NRXN3: variants seen among roughly 807,000 people sequenced by gnomAD.
NRXN3 encodes the protein neurexin III.
Under a neutral mutation model 137.6 loss-of-function variants are expected in NRXN3, and 32 were observed. That is an observed-to-expected ratio of 0.23 (90% CI 0.18 to 0.31). NRXN3 has a LOEUF of 0.31. Among genes scored for constraint, NRXN3 ranks in the 10% least tolerant of loss-of-function variants. The pLI is 1.00. For synonymous variants in NRXN3, 798 were observed against 784.5 expected (o/e 1.02, Z -0.29); for missense variants, 1,574 against 2,062.5 (o/e 0.76, Z 4.59).
chr14:79,700,876 A>C lies in NRXN3; in HGVS notation c.4014+2939A>C, dbSNP rs376991298. On this transcript the variant is annotated intron_variant, in intron 19 of 20. Coordinates refer to ENST00000335750, the MANE Select transcript of NRXN3 (RefSeq NM_001330195.2). ...TGCCCAAGCATCAGGTCTTGATCCT[A>C]CATTGAGAAGGATAGCTCTAGGTAC... is the stretch of plus-strand genomic sequence containing the variant. Among the ~76,000 whole-genome samples the C allele has an allele frequency of 7.2e-5, 11 of 152,164 alleles. No individual in the cohort carries two copies. The South Asian group carries it at 2.1e-3, about 29-fold the overall frequency.
chr14:78,615,969 A>C (rs1339307050), intron 4 of NRXN3, among the ~76,000 whole-genome samples: 1 of 152,118 alleles, frequency 6.6e-6, no homozygotes, highest in Non-Finnish European at 1.5e-5. Flanking sequence ...AAACAAAACA[A>C]AACAAATCAA....
chr14:79,368,844 T>C (rs1345594877), intron 15 of NRXN3, among the ~76,000 whole-genome samples: 1 of 152,232 alleles, frequency 6.6e-6, no homozygotes, highest in Non-Finnish European at 1.5e-5. Context: ...TAATCCCCAT[T>C]AGTGAATTTG....
At chr14:79,407,456 A>T (rs1445022520) in intron 15 of NRXN3, among the ~76,000 whole-genome samples, 1 of 152,148 alleles carries the variant, frequency 6.6e-6, no homozygotes, top group African/African-American at 2.4e-5. Flanking sequence ...AAGAATAATG[A>T]TTAAAAAGAA....
intron 19 of NRXN3, among the ~76,000 whole-genome samples, chr14:79,719,027 T>C (rs1459416968): frequency 6.6e-6 from 1 of 152,200 alleles, no homozygotes; most frequent in Non-Finnish European, 1.5e-5. Context: ...GGATTTTAAA[T>C]GTTACCTTCT....
intron 4 of NRXN3, among the ~76,000 whole-genome samples, chr14:78,449,104 C>T (rs766606812): frequency 5.9e-5 from 9 of 152,200 alleles, no homozygotes; most frequent in Non-Finnish European, 1.2e-4. Flanking sequence ...CCCTCCGCAG[C>T]CTCCTATGAC....
At chr14:78,882,306 A>G (rs1053834256) in intron 10 of NRXN3, among the ~76,000 whole-genome samples, 13 of 151,858 alleles carry the variant, frequency 8.6e-5, no homozygotes, top group Admixed American at 2.6e-4. Flanking sequence ...GAAGAGGGCC[A>G]CTGTCCTCCA....
intron 4 of NRXN3, among the ~76,000 whole-genome samples, chr14:78,564,287 G>C (rs968770907): frequency 2.6e-5 from 4 of 152,022 alleles, no homozygotes; most frequent in Admixed American, 6.5e-5. Flanking sequence ...TCCTATTCCC[G>C]CCTCAGTGTG....
intron 4 of NRXN3, among the ~76,000 whole-genome samples, chr14:78,496,474 C>T (rs984027776): frequency 4.6e-5 from 7 of 151,928 alleles, no homozygotes; most frequent in South Asian, 2.1e-4. Context: ...AAATGTAAAC[C>T]GTGTTCATTT....
chr14:78,619,641 G>A (rs112573399), intron 4 of NRXN3, among the ~76,000 whole-genome samples: 1,796 of 152,036 alleles, frequency 0.012, 50 homozygotes, highest in African/African-American at 0.041. Flanking sequence ...GGTTTTATAA[G>A]GGGCTCTTGC....
intron 4 of NRXN3, among the ~76,000 whole-genome samples, chr14:78,591,973 G>T (rs2097121735): frequency 1.3e-5 from 2 of 152,112 alleles, no homozygotes; most frequent in Admixed American, 1.3e-4. Context: ...ACAATGCGTA[G>T]GCCTCAGACT....
chr14:79,427,721 A>T (rs1044732976), intron 15 of NRXN3, among the ~76,000 whole-genome samples: 5 of 151,682 alleles, frequency 3.3e-5, no homozygotes, highest in Non-Finnish European at 7.4e-5. Context: ...AATCCCGGCT[A>T]CTCAGGAGGC....
chr14:78,968,161 T>G lies in NRXN3; in HGVS notation c.2969-12T>G. 2 of 1,561,348 alleles carry G rather than the reference T, an allele frequency of 1.3e-6. No individual in the cohort carries two copies. Among genetic ancestry groups the G allele is most frequent in the Admixed American group, 3.5e-5 (2 of 57,910 alleles). Reference sequence around the variant, plus strand: ...TTACTCATTCTCTTTTGCTAATTACTTTCCTTTCCAGGTGATCTCTATATG... The same window carrying G: ...TTACTCATTCTCTTTTGCTAATTACGTTCCTTTCCAGGTGATCTCTATATG... On this transcript the variant is annotated splice_polypyrimidine_tract_variant and intron_variant, in intron 13 of 20. Coordinates refer to ENST00000335750, the MANE Select transcript of NRXN3 (RefSeq NM_001330195.2).
At chr14:79,505,438 G>T (rs2096869191) in intron 16 of NRXN3, among the ~76,000 whole-genome samples, 1 of 152,082 alleles carries the variant, frequency 6.6e-6, no homozygotes. Flanking sequence ...GTTGAAAGCA[G>T]AGAGAACATG....
chr14:79,517,897 T>C lies in NRXN3; in HGVS notation c.3444+50495T>C, dbSNP rs1274989129. Among the ~76,000 whole-genome samples, 4 of 60,496 alleles carry C rather than the reference T, an allele frequency of 6.6e-5. No individual in the cohort carries two copies. In the African/African-American group the frequency reaches 7.5e-4, roughly 11 times the overall value. The allele number at this position is 60,496 out of a possible 152,430, so 39.7% of individuals were successfully genotyped here. On this transcript the variant is annotated intron_variant, in intron 16 of 20. Transcript: ENST00000335750. The stretch of plus-strand genomic sequence containing the variant: ...TCTTTCAGAGTTTTCCTGACTTTCC[T>C]TTTTTTTTTTTTTTTTTTTTTTTTT...
At chr14:79,853,573 C>A (rs376667384) in intron 20 of NRXN3, 6 of 1,351,408 alleles carry the variant, frequency 4.4e-6, no homozygotes, top group Non-Finnish European at 5.9e-6. Context: ...CACTCCGTGC[C>A]GCCCTTACAT....
At chr14:79,219,088 T>C (rs895571836) in intron 15 of NRXN3, among the ~76,000 whole-genome samples, 1 of 152,138 alleles carries the variant, frequency 6.6e-6, no homozygotes, top group African/African-American at 2.4e-5. Context: ...TTTAAAAGTA[T>C]ATAAATGTTA....
chr14:79,809,522 T>C (rs1021893370), intron 20 of NRXN3, among the ~76,000 whole-genome samples: 1 of 152,192 alleles, frequency 6.6e-6, no homozygotes, highest in East Asian at 1.9e-4. Flanking sequence ...ATTTTATAAG[T>C]CACAGATACA....
chr14:78,566,200 C>T (rs896642313), intron 4 of NRXN3, among the ~76,000 whole-genome samples: 1 of 151,970 alleles, frequency 6.6e-6, no homozygotes, highest in Non-Finnish European at 1.5e-5. Flanking sequence ...CAGGTGCCCC[C>T]GATGATCTCA....
intron 20 of NRXN3, among the ~76,000 whole-genome samples, chr14:79,820,305 T>A (rs2099267617): frequency 6.6e-6 from 1 of 152,252 alleles, no homozygotes; most frequent in Middle Eastern, 3.4e-3. Flanking sequence ...TGTATTTATA[T>A]CTTAGCCCTC....
Sources: gnomAD v4.1 joint callset for allele counts (sites outside exome capture counted in the v4.1 genomes callset) on GRCh38, gnomAD v4.1.1 for gene constraint, MANE v1.5 for transcripts, NCBI Gene and HGNC (gene_info 2026-07-23, HGNC 2026-07-21) for gene names.